FYB1: variants seen among roughly 807,000 people sequenced by gnomAD.
FYB1 encodes the protein FYN binding protein 1.
FYB1 carries 41 observed loss-of-function variants against 94.1 expected under a neutral mutation model. The observed-to-expected ratio is 0.44, with a 90% CI of 0.34 to 0.57. FYB1 has a LOEUF of 0.57. Among genes scored for constraint, FYB1 ranks in the 20% least tolerant of loss-of-function variants. FYB1 has a pLI of 0.02. For missense variants in FYB1, 1,050 were observed against 976.8 expected (o/e 1.07, Z -1.00); for synonymous variants, 367 against 353.2 (o/e 1.04, Z -0.44).
At chr5:39,176,693 G>T (rs567979768) in intron 2 of FYB1, among the ~76,000 whole-genome samples, 25 of 152,100 alleles carry the variant, frequency 1.6e-4, no homozygotes, top group Non-Finnish European at 2.8e-4. Flanking sequence ...CATAAATTGT[G>T]GGAAAGGAAA....
chr5:39,218,648 G>A (rs999469176), intron 1 of FYB1, among the ~76,000 whole-genome samples: 5 of 152,180 alleles, frequency 3.3e-5, no homozygotes, highest in Non-Finnish European at 7.3e-5. Context: ...GTTTAGATGA[G>A]AAAACTGAGA....
chr5:39,136,944 G>A (rs1741723052), intron 7 of FYB1, among the ~76,000 whole-genome samples: 1 of 152,176 alleles, frequency 6.6e-6, no homozygotes. Flanking sequence ...GATGAGCCAT[G>A]TCATCAAAGA....
chr5:39,177,326 C>T (rs971402241), intron 2 of FYB1, among the ~76,000 whole-genome samples: 1 of 152,156 alleles, frequency 6.6e-6, no homozygotes, highest in Non-Finnish European at 1.5e-5. Context: ...AACTAACAAA[C>T]CAAAGAAGTC....
At chr5:39,191,563 T>G (rs895447748) in intron 2 of FYB1, among the ~76,000 whole-genome samples, 1 of 152,250 alleles carries the variant, frequency 6.6e-6, no homozygotes, top group Non-Finnish European at 1.5e-5. Flanking sequence ...TCTAGATGTT[T>G]TTTTCTACCT....
At chr5:39,172,995 T>C (rs1227281459) in intron 2 of FYB1, among the ~76,000 whole-genome samples, 1 of 152,218 alleles carries the variant, frequency 6.6e-6, no homozygotes, top group Non-Finnish European at 1.5e-5. Flanking sequence ...TGAATGGTAG[T>C]TGTGTTCTAC....
At chr5:39,179,193 G>A (rs1258826506) in intron 2 of FYB1, among the ~76,000 whole-genome samples, 1 of 152,148 alleles carries the variant, frequency 6.6e-6, no homozygotes, top group East Asian at 1.9e-4. Context: ...TTGTAGATGA[G>A]GAAACATGCA....
At chr5:39,170,907 A>G (rs576670956) in intron 2 of FYB1, among the ~76,000 whole-genome samples, 1 of 152,218 alleles carries the variant, frequency 6.6e-6, no homozygotes, top group African/African-American at 2.4e-5. Flanking sequence ...TTACCTAAGG[A>G]ATTTGTACTC....
intron 1 of FYB1, among the ~76,000 whole-genome samples, chr5:39,255,355 C>T (rs1751891496): frequency 1.3e-5 from 2 of 151,850 alleles, no homozygotes; most frequent in Non-Finnish European, 2.9e-5. Context: ...CACCAACGTA[C>T]TGCCACCTAC....
At chr5:39,166,303 G>T (rs567898610) in intron 2 of FYB1, among the ~76,000 whole-genome samples, 5 of 152,208 alleles carry the variant, frequency 3.3e-5, no homozygotes, top group African/African-American at 1.2e-4. Flanking sequence ...GGGCCTGGTG[G>T]CAGGTGCCTG....
intron 2 of FYB1, among the ~76,000 whole-genome samples, chr5:39,172,176 T>C (rs1745309916): frequency 6.6e-6 from 1 of 152,176 alleles, no homozygotes; most frequent in Non-Finnish European, 1.5e-5. Context: ...CCGGGTGTGG[T>C]GGCTCATGCC....
intron 1 of FYB1, among the ~76,000 whole-genome samples, chr5:39,218,702 G>A (rs1051381783): frequency 1.3e-5 from 2 of 152,182 alleles, no homozygotes; most frequent in East Asian, 1.9e-4. Flanking sequence ...ACAGCTAATA[G>A]AAGGCAGAGT....
chr5:39,183,646 T>C (rs1310871519), intron 2 of FYB1, among the ~76,000 whole-genome samples: 1 of 152,212 alleles, frequency 6.6e-6, no homozygotes, highest in African/African-American at 2.4e-5. Context: ...ACTCTCTATG[T>C]GTCCCTAAAA....
intron 2 of FYB1, among the ~76,000 whole-genome samples, chr5:39,196,769 G>A (rs1178468202): frequency 1.3e-5 from 2 of 152,204 alleles, no homozygotes; most frequent in Admixed American, 1.3e-4. Context: ...ACGAGGAAGT[G>A]GAATGCGGGT....
intron 1 of FYB1, among the ~76,000 whole-genome samples, chr5:39,248,488 C>G (rs551286863): frequency 6.6e-6 from 1 of 152,144 alleles, no homozygotes; most frequent in South Asian, 2.1e-4. Flanking sequence ...ATGACATATG[C>G]TATAACATGG....
At chr5:39,244,350 A>C (rs1751366461) in intron 1 of FYB1, among the ~76,000 whole-genome samples, 1 of 152,172 alleles carries the variant, frequency 6.6e-6, no homozygotes, top group Non-Finnish European at 1.5e-5. Context: ...TTTCAGCATG[A>C]AGGACTGTTG....
rs746128869 is a variant in FYB1, at chr5:39,273,925, C to CT, written c.-28+477dup. 3.7e-3 allele frequency among the ~76,000 whole-genome samples: 549 copies of CT among 146,860 alleles called. 11 individuals carry two copies. The East Asian group carries it at 0.05, about 14-fold the overall frequency. ...CATCGTCAGTGTTTTATCTATTATG[C>CT]TTTTTTTTTTTCTTTTTGAGACAGA... On this transcript the variant is annotated intron_variant, in intron 1 of 1. Transcript: ENST00000510188.
intron 2 of FYB1, among the ~76,000 whole-genome samples, chr5:39,201,098 T>A (rs937832629): frequency 2.0e-5 from 3 of 152,216 alleles, no homozygotes; most frequent in Non-Finnish European, 4.4e-5. Context: ...GAAAACTTTA[T>A]ACTGAGAAAT....
intron 13 of FYB1, among the ~76,000 whole-genome samples, chr5:39,124,023 T>C (rs530280466): frequency 6.6e-6 from 1 of 152,288 alleles, no homozygotes; most frequent in Non-Finnish European, 1.5e-5. Flanking sequence ...AACCCAATAG[T>C]GGCTCTTGGA....
intron 12 of FYB1, among the ~76,000 whole-genome samples, chr5:39,124,973 C>G (rs1401267258): frequency 6.9e-6 from 1 of 144,628 alleles, no homozygotes; most frequent in East Asian, 2.1e-4. Context: ...ACAAACACAC[C>G]ACGGAAAGAA....
Sources: gnomAD v4.1 joint callset for allele counts (sites outside exome capture counted in the v4.1 genomes callset) on GRCh38, gnomAD v4.1.1 for gene constraint, MANE v1.5 for transcripts, NCBI Gene and HGNC (gene_info 2026-07-23, HGNC 2026-07-21) for gene names.